GPC6: variants seen among roughly 807,000 people sequenced by gnomAD.
The protein encoded by GPC6 is glypican-6.
GPC6 carries 14 observed loss-of-function variants against 55.2 expected under a neutral mutation model. The ratio of observed to expected loss-of-function variants is 0.25; its 90% CI spans 0.17 to 0.40. The LOEUF is 0.40. GPC6 is among the 10% of genes least tolerant of loss of function. GPC6 has a pLI of 1.00. For missense variants in GPC6, 641 were observed against 708.5 expected (o/e 0.90, Z 1.08); for synonymous variants, 278 against 259.6 (o/e 1.07, Z -0.68).
intron 4 of GPC6, among the ~76,000 whole-genome samples, chr13:94,065,659 C>T (rs776705517): frequency 1.3e-5 from 2 of 152,162 alleles, no homozygotes; most frequent in African/African-American, 2.4e-5. Context: ...AAGGTTAGTG[C>T]TTCACTTGAC....
intron 2 of GPC6, among the ~76,000 whole-genome samples, chr13:93,816,042 ATCATCTTAT>A (rs1162380781): frequency 2.6e-5 from 4 of 152,200 alleles, no homozygotes; most frequent in Admixed American, 6.5e-5. Context: ...TACACAGTTT[ATCATCTTAT>A]TCATCAAATC....
chr13:94,267,768 G>GA (rs34904892), intron 4 of GPC6, among the ~76,000 whole-genome samples: 33 of 152,214 alleles, frequency 2.2e-4, no homozygotes, highest in South Asian at 8.3e-4. Flanking sequence ...GTGCTTTGGG[G>GA]AAAAAAGCAC....
chr13:93,435,460 ATT>A (rs371644365), intron 1 of GPC6, among the ~76,000 whole-genome samples: 8 of 147,110 alleles, frequency 5.4e-5, no homozygotes, highest in African/African-American at 1.5e-4. Flanking sequence ...ACTTTACCAA[ATT>A]TTTTTTTTTT....
At chr13:93,269,809 G>A (rs907275926) in intron 1 of GPC6, among the ~76,000 whole-genome samples, 1 of 146,646 alleles carries the variant, frequency 6.8e-6, no homozygotes, top group Non-Finnish European at 1.5e-5. Flanking sequence ...GTGTGGAGGC[G>A]TGAACCTGGG....
intron 1 of GPC6, among the ~76,000 whole-genome samples, chr13:93,383,497 G>A (rs1050724190): frequency 4.6e-5 from 7 of 152,170 alleles, no homozygotes; most frequent in Non-Finnish European, 1.0e-4. Context: ...GATTACAGGC[G>A]TGACCCATTG....
intron 1 of GPC6, among the ~76,000 whole-genome samples, chr13:93,406,956 A>G (rs988682138): frequency 2.0e-5 from 3 of 152,152 alleles, no homozygotes; most frequent in Non-Finnish European, 4.4e-5. Context: ...GTAATTTTTG[A>G]TTTTATATTG....
chr13:93,289,135 C>G (rs922384559), intron 1 of GPC6, among the ~76,000 whole-genome samples: 2 of 152,134 alleles, frequency 1.3e-5, no homozygotes, highest in Admixed American at 6.6e-5. Context: ...TTTATCGGTA[C>G]CACATTGAAG....
chr13:93,524,510 G>C (rs970702322), intron 1 of GPC6, among the ~76,000 whole-genome samples: 1 of 151,966 alleles, frequency 6.6e-6, no homozygotes, highest in African/African-American at 2.4e-5. Context: ...ATGTAGCCTT[G>C]GACAAGAAAG....
At chr13:93,361,865 AG>A (rs1186983586) in intron 1 of GPC6, among the ~76,000 whole-genome samples, 1 of 152,200 alleles carries the variant, frequency 6.6e-6, no homozygotes, top group African/African-American at 2.4e-5. Flanking sequence ...CAGTCAAAGC[AG>A]ATAATCACAA....
At chr13:94,003,073 A>C (rs549662826) in intron 3 of GPC6, among the ~76,000 whole-genome samples, 8 of 152,340 alleles carry the variant, frequency 5.3e-5, no homozygotes, top group African/African-American at 1.9e-4. Flanking sequence ...CTGTGAATGA[A>C]AATAGTCTGA....
intron 3 of GPC6, among the ~76,000 whole-genome samples, chr13:93,845,308 G>T (rs968203885): frequency 6.6e-6 from 1 of 150,512 alleles, no homozygotes; most frequent in South Asian, 2.1e-4. Flanking sequence ...AGTTAGAATG[G>T]CAATCATTAA....
At chr13:93,819,636 G>A (rs937141583) in intron 2 of GPC6, among the ~76,000 whole-genome samples, 10 of 152,174 alleles carry the variant, frequency 6.6e-5, no homozygotes, top group Non-Finnish European at 2.9e-5. Flanking sequence ...AACTGCGAAA[G>A]CATCTCAGCT....
At chr13:93,722,119 T>C (rs1355690865) in intron 2 of GPC6, among the ~76,000 whole-genome samples, 1 of 151,698 alleles carries the variant, frequency 6.6e-6, no homozygotes. Context: ...TAATAAATAG[T>C]AAATATGCAA....
At chr13:93,698,786 C>A (rs1250804249) in intron 2 of GPC6, among the ~76,000 whole-genome samples, 3 of 151,788 alleles carry the variant, frequency 2.0e-5, no homozygotes, top group African/African-American at 7.3e-5. Context: ...CTTCTTTTCC[C>A]CTCCCTCTTT....
intron 3 of GPC6, among the ~76,000 whole-genome samples, chr13:93,887,465 G>T (rs1875409849): frequency 6.6e-6 from 1 of 152,068 alleles, no homozygotes; most frequent in African/African-American, 2.4e-5. Flanking sequence ...ACACCCACTA[G>T]AATTATTCAT....
At position 93,292,484 on chromosome 13, in the gene GPC6, A is replaced by G. The variant is rs183358913; in HGVS notation, c.160+64868A>G. Among the ~76,000 whole-genome samples the G allele has an allele frequency of 3.7e-3, 564 of 152,342 alleles. 10 individuals carry two copies. The highest frequency in any genetic ancestry group is 2.0e-3 in the Non-Finnish European group (135 of 68,022). Reference sequence around the variant, plus strand: ...CAACCCAAACAAGAAAATGTTAACAATTATATGGTACTCTTATAAATATGC... The same window carrying G: ...CAACCCAAACAAGAAAATGTTAACAGTTATATGGTACTCTTATAAATATGC... On this transcript the variant is annotated intron_variant, in intron 1 of 8. Transcript: ENST00000377047.
intron 1 of GPC6, among the ~76,000 whole-genome samples, chr13:93,308,790 C>T (rs1187741289): frequency 1.3e-5 from 2 of 152,158 alleles, no homozygotes; most frequent in Non-Finnish European, 2.9e-5. Flanking sequence ...AATAGGACTG[C>T]ATTTATAATC....
intron 2 of GPC6, among the ~76,000 whole-genome samples, chr13:93,758,210 T>C (rs1884841028): frequency 6.6e-6 from 1 of 152,146 alleles, no homozygotes; most frequent in South Asian, 2.1e-4. Flanking sequence ...ATGACTTTGA[T>C]TTTCAGGGCT....
intron 4 of GPC6, among the ~76,000 whole-genome samples, chr13:94,103,664 G>T (rs1488301734): frequency 4.6e-5 from 7 of 152,128 alleles, no homozygotes; most frequent in African/African-American, 1.7e-4. Context: ...TCATGTGTCT[G>T]TTGGCTGCAT....
Sources: allele counts gnomAD v4.1 joint callset (sites outside exome capture counted in the v4.1 genomes callset), GRCh38; gene constraint gnomAD v4.1.1; transcripts MANE v1.5; gene names NCBI Gene and HGNC (gene_info 2026-07-23, HGNC 2026-07-21).